PRKCB: variants seen among roughly 807,000 people sequenced by gnomAD.
The protein encoded by PRKCB is protein kinase C beta.
PRKCB carries 13 observed loss-of-function variants against 81.5 expected under a neutral mutation model. The observed-to-expected ratio is 0.16, with a 90% CI of 0.10 to 0.25. PRKCB has a LOEUF of 0.25. PRKCB is among the 10% of genes least tolerant of loss of function. PRKCB has a pLI of 1.00. For missense variants in PRKCB, 509 were observed against 875.7 expected, an observed-to-expected ratio of 0.58 and a Z score of 5.29; for synonymous variants, 335 against 321.4, an observed-to-expected ratio of 1.04 and a Z score of -0.45.
intron 2 of PRKCB, among the ~76,000 whole-genome samples, chr16:23,985,774 T>G (rs534836004): frequency 2.0e-3 from 311 of 152,262 alleles, no homozygotes; most frequent in South Asian, 9.3e-3. Context: ...AAGAAAATGT[T>G]GAAAATAAGG....
At chr16:24,154,903 C>G (rs745985737) in intron 10 of PRKCB, 46 bp downstream of exon 10, 40 of 1,578,634 alleles carry the variant, frequency 2.5e-5, no homozygotes, top group Non-Finnish European at 3.4e-5. Flanking sequence ...AGGGCTTCAC[C>G]AGGCTTTGGC....
intron 16 of PRKCB, among the ~76,000 whole-genome samples, chr16:24,194,905 A>G (rs1967856171): frequency 6.6e-6 from 1 of 152,192 alleles, no homozygotes; most frequent in Non-Finnish European, 1.5e-5. Flanking sequence ...ATTAGAAATA[A>G]TAATAAATGA....
At chr16:24,193,095 G>A (rs867850175) in intron 16 of PRKCB, among the ~76,000 whole-genome samples, 2 of 152,096 alleles carry the variant, frequency 1.3e-5, no homozygotes, top group Middle Eastern at 6.8e-3. Flanking sequence ...GAGTAGCTGG[G>A]ACTACAGGAG....
At chr16:24,117,783 C>T (rs955237298) in intron 8 of PRKCB, among the ~76,000 whole-genome samples, 2 of 152,152 alleles carry the variant, frequency 1.3e-5, no homozygotes, top group African/African-American at 4.8e-5. Context: ...CAGACTACTG[C>T]TGTGGGCAGC....
intron 10 of PRKCB, among the ~76,000 whole-genome samples, chr16:24,155,412 C>A (rs1046311525): frequency 6.6e-6 from 1 of 152,196 alleles, no homozygotes; most frequent in African/African-American, 2.4e-5. Context: ...CTGCTCTTGA[C>A]TGTGATTTCA....
Position 24,185,209 on chromosome 16 carries a change from G to A in PRKCB, c.1614+18G>A. ...CTGGGCAGGTAATTGAATTTTAAGT[G>A]ATCGATAAGAGAAGTCCTCCCTACC... On this transcript the variant is annotated intron_variant, in intron 14 of 16. Transcript: ENST00000643927. The A allele has an allele frequency of 1.2e-6, 2 of 1,606,172 alleles. No individual in the cohort carries two copies. Among genetic ancestry groups the A allele is most frequent in the East Asian group, 4.5e-5 (2 of 44,844 alleles).
intron 3 of PRKCB, among the ~76,000 whole-genome samples, chr16:24,019,173 CTTT>C (rs562397722): frequency 7.4e-6 from 1 of 134,574 alleles, no homozygotes; most frequent in Non-Finnish European, 1.6e-5. Context: ...TTTTTTTTTT[CTTT>C]TTTTTTTTTT....
At position 23,940,806 on chromosome 16, in the gene PRKCB, A is replaced by G. The variant is rs139932594; in HGVS notation, c.206-47702A>G. ...TGTTCAGACTGGTACTCTCGGATTT[A>G]TGTCGTAGCTTTTCCACTACTGTTT... On this transcript the variant is annotated intron_variant, in intron 2 of 16. Coordinates refer to ENST00000643927, the MANE Select transcript of PRKCB (RefSeq NM_002738.7). 2.6e-5 allele frequency among the ~76,000 whole-genome samples: 4 copies of G among 152,292 alleles called. No homozygotes were observed. The East Asian group carries it at 7.7e-4, about 29-fold the overall frequency.
chr16:23,956,436 C>T (rs1201770791), intron 2 of PRKCB, among the ~76,000 whole-genome samples: 1 of 152,006 alleles, frequency 6.6e-6, no homozygotes, highest in Admixed American at 6.6e-5. Context: ...TATTTACATT[C>T]ATATTTATAA....
At chr16:24,142,777 G>A (rs1189905497) in intron 9 of PRKCB, among the ~76,000 whole-genome samples, 1 of 152,128 alleles carries the variant, frequency 6.6e-6, no homozygotes, top group Non-Finnish European at 1.5e-5. Context: ...GTCTTCAGGG[G>A]GACTGGGAAG....
chr16:24,114,140 G>A (rs924630059), intron 8 of PRKCB, among the ~76,000 whole-genome samples: 3 of 150,068 alleles, frequency 2.0e-5, no homozygotes, highest in Non-Finnish European at 4.5e-5. Flanking sequence ...AATTTCTCTG[G>A]GTGGCAGAGG....
At chr16:23,915,126 C>T (rs145981001) in intron 2 of PRKCB, among the ~76,000 whole-genome samples, 1 of 152,300 alleles carries the variant, frequency 6.6e-6, no homozygotes, top group African/African-American at 2.4e-5. Context: ...CCCGTTAGCC[C>T]CTGATCTCTG....
chr16:24,129,299 A>G (rs778556164), intron 9 of PRKCB, among the ~76,000 whole-genome samples: 2 of 151,916 alleles, frequency 1.3e-5, no homozygotes, highest in Non-Finnish European at 2.9e-5. Context: ...TTGAGATGGG[A>G]TCAGGGGGTT....
intron 2 of PRKCB, among the ~76,000 whole-genome samples, chr16:23,980,984 TAC>T (rs1222017807): frequency 1.4e-4 from 22 of 151,966 alleles, no homozygotes; most frequent in Non-Finnish European, 8.8e-5. Context: ...AGCTTTTGGC[TAC>T]AGTCTACTCC....
intron 9 of PRKCB, among the ~76,000 whole-genome samples, chr16:24,126,072 AAG>A (rs1003364749): frequency 2.0e-5 from 3 of 152,230 alleles, no homozygotes; most frequent in Non-Finnish European, 4.4e-5. Context: ...GGATTCTGGG[AAG>A]AGAGATGTCC....
intron 3 of PRKCB, among the ~76,000 whole-genome samples, chr16:24,030,333 G>A (rs1965535193): frequency 6.6e-6 from 1 of 152,172 alleles, no homozygotes. Context: ...GGTCTGTTTG[G>A]GAGCGGGGGT....
chr16:24,128,340 A>C (rs1475478634), intron 9 of PRKCB, among the ~76,000 whole-genome samples: 5 of 152,148 alleles, frequency 3.3e-5, no homozygotes, highest in East Asian at 1.9e-4. Context: ...GTGCCACTGC[A>C]CTCCAGCCTG....
intron 4 of PRKCB, among the ~76,000 whole-genome samples, chr16:24,033,760 A>G (rs1010956040): frequency 4.6e-5 from 7 of 151,968 alleles, no homozygotes; most frequent in African/African-American, 9.7e-5. Context: ...AGACTCTCAA[A>G]GAAGAAGAAG....
chr16:23,836,614 G>A (rs7185142), intron 1 of PRKCB, among the ~76,000 whole-genome samples: 114,056 of 151,918 alleles, frequency 0.75, 42,867 homozygotes, highest in Admixed American at 0.79. Flanking sequence ...GCCCAGGGGC[G>A]GCGTCGCGGG....
Sources: gnomAD v4.1 joint callset for allele counts (sites outside exome capture counted in the v4.1 genomes callset) on GRCh38, gnomAD v4.1.1 for gene constraint, MANE v1.5 for transcripts, NCBI Gene and HGNC (gene_info 2026-07-23, HGNC 2026-07-21) for gene names.